The following ATP6V1E2 variants were observed in gnomAD, a reference collection of about 807,000 sequenced individuals.
ATP6V1E2 encodes V-type proton ATPase subunit E 2.
For missense variants in ATP6V1E2, 308 were observed against 273.3 expected, an observed-to-expected ratio of 1.13 and a Z score of -0.90; for synonymous variants, 121 against 104.2, an observed-to-expected ratio of 1.16 and a Z score of -0.98.
At chr2:46,537,996 AATCAT>A (rs1482611741) in intron 2 of ATP6V1E2, among the ~76,000 whole-genome samples, 1 of 152,150 alleles carries the variant, frequency 6.6e-6, no homozygotes, top group Non-Finnish European at 1.5e-5. Context: ...AAGTAGATGA[AATCAT>A]AATGTAGATG....
In ATP6V1E2 at chr2:46,535,061, A is replaced by G. The variant is rs60154242; in HGVS notation, c.-102+752T>C. 48,606 of 152,064 alleles carry G rather than the reference A, an allele frequency of 0.32. 8,057 individuals are homozygous for G. Among genetic ancestry groups the G allele is most frequent in the African/African-American group, 0.37 (15,202 of 41,438 alleles). 9.4% of individuals were successfully genotyped at this position (152,064 alleles called of 1,614,324 possible). A position where few individuals can be genotyped will look rare whatever the true frequency, so the allele number is the denominator to read the frequency against. On this transcript the variant is annotated intron_variant, in intron 4 of 4. Transcript: ENST00000522587. This position sits in a 1 kb window ranked among gnomAD's most constrained non-coding sequence, Gnocchi z 4.4. Reference sequence around the variant, plus strand: ...ATCTCCTCAACTCAGCAAGACCACTATGCTCTGCTTGGGTTCCCCCTCATT... The same window carrying G: ...ATCTCCTCAACTCAGCAAGACCACTGTGCTCTGCTTGGGTTCCCCCTCATT...
intron 4 of ATP6V1E2, among the ~76,000 whole-genome samples, chr2:46,533,518 C>A (rs1174974336): frequency 6.6e-6 from 1 of 152,186 alleles, no homozygotes; most frequent in Non-Finnish European, 1.5e-5. Context: ...AAGCAATATA[C>A]CTGCCTCAGC....
intron 4 of ATP6V1E2, among the ~76,000 whole-genome samples, chr2:46,523,069 G>C (rs1389210302): frequency 2.0e-5 from 3 of 151,664 alleles, no homozygotes; most frequent in African/African-American, 7.3e-5. Flanking sequence ...CATATCCTTT[G>C]CCCACTTTTT....
intron 4 of ATP6V1E2, among the ~76,000 whole-genome samples, chr2:46,522,014 G>T (rs1053784683): frequency 6.6e-6 from 1 of 152,148 alleles, no homozygotes; most frequent in African/African-American, 2.4e-5. Context: ...GTATTTTTTG[G>T]CTGGGTGAGG....
Position 46,512,584 on chromosome 2 carries a change from C to A in ATP6V1E2, c.128G>T (p.Gly43Val). 1 of 1,614,196 alleles carries A rather than the reference C, an allele frequency of 6.2e-7. No individual in the cohort carries two copies. The highest frequency in any genetic ancestry group is 1.6e-4 in the Middle Eastern group (1 of 6,062). The change falls in exon 5 of 5, where the codon GGA becomes GTA. Residue 43 changes from glycine (G) to valine (V), a missense_variant. Transcript: ENST00000522587. ...KAEEEFNIEK[G>V]RLVQTQRLKI... ...CAGTCGTTGGGTTTGCACGAGGCGT[C>A]CTTTCTCAATGTTAAACTCTTCCTC...
At chr2:46,514,719 A>G (rs946626669) in intron 4 of ATP6V1E2, among the ~76,000 whole-genome samples, 5 of 152,188 alleles carry the variant, frequency 3.3e-5, no homozygotes, top group African/African-American at 1.2e-4. Flanking sequence ...AGGCTGGGAA[A>G]AAAGGATAGA....
At chr2:46,531,149 T>G (rs1033940718) in intron 4 of ATP6V1E2, among the ~76,000 whole-genome samples, 3 of 152,056 alleles carry the variant, frequency 2.0e-5, no homozygotes, top group African/African-American at 4.8e-5. Context: ...AAAGGAAACC[T>G]CATATTCATT....
At chr2:46,533,571 G>A (rs916846817) in intron 4 of ATP6V1E2, among the ~76,000 whole-genome samples, 7 of 152,160 alleles carry the variant, frequency 4.6e-5, no homozygotes, top group African/African-American at 1.7e-4. Context: ...ACCATACCCG[G>A]CCAAGGTCAA....
In ATP6V1E2 at chr2:46,512,077, C is replaced by T. The variant is rs149758859; in HGVS notation, c.635G>A (p.Arg212Gln). 8 of 1,612,544 alleles carry T rather than the reference C, an allele frequency of 5.0e-6. No individual in the cohort carries two copies. Among genetic ancestry groups the T allele is most frequent in the Admixed American group, 3.3e-5 (2 of 59,842 alleles). ...LSAKQKMPEI[R>Q]MALFGANTNR... ...GGTGTTAGCACCAAACAAGGCCATT[C>T]GTATTTCTGGCATCTTTTGCTTGGC... is the stretch of plus-strand genomic sequence containing the variant. Residue 212 changes from arginine to glutamine, a missense_variant, in exon 5 of 5, where the codon CGA becomes CAA. Arg to Gln is a conservative substitution (Grantham distance 43, BLOSUM62 1). Transcript: ENST00000522587.
chr2:46,538,610 C>G (rs1412412231), intron 2 of ATP6V1E2, among the ~76,000 whole-genome samples: 2 of 151,678 alleles, frequency 1.3e-5, no homozygotes, highest in Non-Finnish European at 2.9e-5. Flanking sequence ...TACTCTCTGC[C>G]CTTTGTGATG....
chr2:46,540,610 TAAC>T (rs1276822583), intron 2 of ATP6V1E2, among the ~76,000 whole-genome samples: 1 of 120,492 alleles, frequency 8.3e-6, no homozygotes, highest in African/African-American at 3.3e-5. Context: ...GCTTTTTCTG[TAAC>T]TTTTTTTTTT....
intron 4 of ATP6V1E2, among the ~76,000 whole-genome samples, chr2:46,514,062 C>T (rs930797523): frequency 4.6e-5 from 7 of 151,842 alleles, no homozygotes; most frequent in Admixed American, 3.3e-4. Flanking sequence ...GGTGGATCAA[C>T]TGAGGTCAAT....
At chr2:46,518,490 A>ACAACACACACACACACACAC (rs1471974728) in intron 4 of ATP6V1E2, among the ~76,000 whole-genome samples, 1 of 140,912 alleles carries the variant, frequency 7.1e-6, no homozygotes, top group Non-Finnish European at 1.5e-5. Flanking sequence ...ACACACACAC[A>ACAACACACACACACACACAC]ACACACACAC....
At chr2:46,527,405 T>C (rs1666974856) in intron 4 of ATP6V1E2, among the ~76,000 whole-genome samples, 1 of 152,152 alleles carries the variant, frequency 6.6e-6, no homozygotes, top group Admixed American at 6.5e-5. Context: ...GTATTTTTAG[T>C]AGAGACAGGG....
chr2:46,523,825 T>C (rs1031653714), intron 4 of ATP6V1E2, among the ~76,000 whole-genome samples: 1 of 152,194 alleles, frequency 6.6e-6, no homozygotes, highest in Non-Finnish European at 1.5e-5. Context: ...CTTTGGGCAG[T>C]ATGGGCATTT....
chr2:46,538,426 A>G (rs185607342), intron 2 of ATP6V1E2, among the ~76,000 whole-genome samples: 25 of 152,264 alleles, frequency 1.6e-4, no homozygotes, highest in Admixed American at 3.3e-4. Context: ...AATGTGAACT[A>G]TAGATATAAT....
In ATP6V1E2 at chr2:46,542,473, G is replaced by C. The variant is rs1179793021; in HGVS notation, c.-630C>G. 2 of 150,624 alleles carry C rather than the reference G, an allele frequency of 1.3e-5. No homozygotes were observed. The highest frequency in any genetic ancestry group is 3.0e-5 in the Non-Finnish European group (2 of 67,700). 9.3% of individuals were successfully genotyped at this position (150,624 alleles called of 1,614,324 possible). On this transcript the variant is annotated 5_prime_UTR_variant, in exon 1 of 5. Coordinates refer to ENST00000522587, the MANE Select transcript of ATP6V1E2 (RefSeq NM_001318063.2). The stretch of plus-strand genomic sequence containing the variant: ...CCAGGCGACTCCCCTCCTCCCCTCC[G>C]CGGTCCTCGGCTCCTCCTCCTCCTG...
At chr2:46,537,924 A>C (rs1298302831) in intron 2 of ATP6V1E2, among the ~76,000 whole-genome samples, 1 of 152,242 alleles carries the variant, frequency 6.6e-6, no homozygotes, top group Non-Finnish European at 1.5e-5. Flanking sequence ...CTCAAAAAGC[A>C]AGGAAGAAGT....
At chr2:46,524,562 T>C (rs962052916) in intron 4 of ATP6V1E2, among the ~76,000 whole-genome samples, 1 of 152,132 alleles carries the variant, frequency 6.6e-6, no homozygotes, top group Non-Finnish European at 1.5e-5. Context: ...GAAAAGCATC[T>C]GGCACTCAAA....
Sources: allele counts gnomAD v4.1 joint callset (sites outside exome capture counted in the v4.1 genomes callset), GRCh38; gene constraint gnomAD v4.1.1; non-coding constraint Gnocchi (gnomAD v3.1); transcripts MANE v1.5; gene names NCBI Gene and HGNC (gene_info 2026-07-23, HGNC 2026-07-21).